C9orf40: variants seen among roughly 807,000 people sequenced by gnomAD.
C9orf40 encodes chromosome 9 open reading frame 40.
A neutral mutation model predicts 7.9 loss-of-function variants in C9orf40; 2 were observed. The ratio of observed to expected loss-of-function variants is 0.25; its 90% CI spans 0.10 to 0.80. C9orf40 has a LOEUF of 0.80. C9orf40 is among the 30% of genes least tolerant of loss of function. The pLI, the probability that C9orf40 is intolerant of heterozygous loss-of-function variation, is 0.68. For synonymous variants in C9orf40, 113 were observed against 117.6 expected (o/e 0.96, Z 0.25); for missense variants, 256 against 268.5 (o/e 0.95, Z 0.33).
rs990654038 is a variant in C9orf40 at position 74,947,814 on chromosome 9, C to G, written c.*234G>C. The G allele has an allele frequency of 1.2e-5, 4 of 330,594 alleles. No homozygotes were observed. The highest frequency in any genetic ancestry group is 4.8e-5 in the Admixed American group (1 of 21,038). The allele number at this position is 330,594 out of a possible 1,614,324, so 20.5% of individuals were successfully genotyped here. A position where few individuals can be genotyped will look rare whatever the true frequency, so the allele number is the denominator to read the frequency against. ...TAGAATTTAAACAAAACTTTTTGCT[C>G]TAAGAATGCATACATAAAATACTTC... On this transcript the variant is annotated 3_prime_UTR_variant, in exon 2 of 2. Transcript: ENST00000376854.
chr9:74,950,644 G>T (rs755557046), intron 1 of C9orf40, among the ~76,000 whole-genome samples: 7 of 150,360 alleles, frequency 4.7e-5, no homozygotes, highest in Non-Finnish European at 7.4e-5. Flanking sequence ...TTATTTTATT[G>T]GATTTTTCAC....
At position 74,952,756 on chromosome 9, in the gene C9orf40, G is replaced by C. The variant is rs965890530; in HGVS notation, c.-145C>G. 1.4e-5 allele frequency: 10 copies of C among 709,172 alleles called. No individual in the cohort carries two copies. The highest frequency in any genetic ancestry group is 2.2e-5 in the Non-Finnish European group (10 of 451,944). 43.9% of individuals were successfully genotyped at this position (709,172 alleles called of 1,614,324 possible). On this transcript the variant is annotated 5_prime_UTR_variant, in exon 1 of 2. Coordinates refer to ENST00000376854, the MANE Select transcript of C9orf40 (RefSeq NM_017998.3). This position sits in a 1 kb window ranked among gnomAD's most constrained non-coding sequence, Gnocchi z 5.4. ...GCGACAGGACGCTGGAGGGGGTAGG[G>C]CGGGGCAGCTCGCGCAGGGCCTAGG...
chr9:74,952,669 C>CG lies in C9orf40; in HGVS notation c.-59dup, dbSNP rs980948740. On this transcript the variant is annotated 5_prime_UTR_variant, in exon 1 of 2. Transcript: ENST00000376854. This position sits in a 1 kb window ranked among gnomAD's most constrained non-coding sequence, Gnocchi z 5.4. ...GCGGGAGACCGAGTGCCGATAGCTGCGGGGGGCGAAGAGCGAGGACTGAGC... is the reference window on the plus strand; with the variant it reads ...GCGGGAGACCGAGTGCCGATAGCTGCGGGGGGGCGAAGAGCGAGGACTGAGC... The CG allele has an allele frequency of 2.6e-5, 38 of 1,451,662 alleles. No homozygotes were observed. Among genetic ancestry groups the CG allele is most frequent in the African/African-American group, 2.6e-4 (18 of 69,330 alleles). The allele number at this position is 1,451,662 out of a possible 1,614,324, so 89.9% of individuals were successfully genotyped here.
At chr9:74,950,178 A>G (rs1832281509) in intron 1 of C9orf40, among the ~76,000 whole-genome samples, 3 of 152,232 alleles carry the variant, frequency 2.0e-5, no homozygotes, top group Admixed American at 2.0e-4. Flanking sequence ...CCCTGGAGCC[A>G]ACCTTTTTCC....
In C9orf40 at chr9:74,952,294, C is replaced by G. The variant is rs1279855307; in HGVS notation, c.318G>C (p.Pro106=). 2.2e-6 allele frequency: 3 copies of G among 1,342,320 alleles called. No individual in the cohort carries two copies. The highest frequency in any genetic ancestry group is 1.9e-6 in the Non-Finnish European group (2 of 1,050,266). The allele number at this position is 1,342,320 out of a possible 1,614,324, so 83.2% of individuals were successfully genotyped here. A position where few individuals can be genotyped will look rare whatever the true frequency, so the allele number is the denominator to read the frequency against. The change falls in exon 1 of 2, where the codon CCG becomes CCC. Residue 106 remains proline, a synonymous_variant. Transcript: ENST00000376854. The surrounding 1 kb of genome is among the most constrained non-coding windows in gnomAD (Gnocchi z 5.4). The part of the protein sequence containing the change: ...DPPLPPPPVL[P]GPGEELPGAR... ...CGCCCGGGAGCTCCTCCCCCGGCCC[C>G]GGCAGTACGGGCGGCGGCGGCAGCG...
chr9:74,952,601 C>A lies in C9orf40; in HGVS notation c.11G>T (p.Arg4Leu). Residue 4 changes from arginine (R) to leucine (L), a missense_variant, in exon 1 of 2, where the codon CGG (arginine) becomes CTG (leucine). Arg to Leu is a moderately radical substitution (Grantham distance 102, BLOSUM62 -2). Coordinates refer to ENST00000376854, the MANE Select transcript of C9orf40 (RefSeq NM_017998.3). This position sits in a 1 kb window ranked among gnomAD's most constrained non-coding sequence, Gnocchi z 5.4. ...GAACGTCACCGGCTCGGCCGCACGCCGCTTGGCCATGGGCCCAGAGGCTCG... is the reference window on the plus strand; with the variant it reads ...GAACGTCACCGGCTCGGCCGCACGCAGCTTGGCCATGGGCCCAGAGGCTCG... MAKRRAAEPVTFHV... is the reference protein window; with the variant it reads MAKLRAAEPVTFHV... 2 of 1,566,566 alleles carry A rather than the reference C, an allele frequency of 1.3e-6. No individual in the cohort carries two copies. The highest frequency in any genetic ancestry group is 4.7e-5 in the East Asian group (2 of 42,636).
chr9:74,952,629 C>A lies in C9orf40; in HGVS notation c.-18G>T, dbSNP rs781616198. On this transcript the variant is annotated 5_prime_UTR_variant, in exon 1 of 2. Coordinates refer to ENST00000376854, the MANE Select transcript of C9orf40 (RefSeq NM_017998.3). The surrounding 1 kb of genome is among the most constrained non-coding windows in gnomAD (Gnocchi z 5.4). ...TTGGCCATGGGCCCAGAGGCTCGGG[C>A]GGAGCCCGCCAGGCGCGGGAGACCG... is the stretch of plus-strand genomic sequence containing the variant. 5.2e-6 allele frequency: 8 copies of A among 1,529,942 alleles called. No individual in the cohort carries two copies. The South Asian group carries it at 9.6e-5, about 18-fold the overall frequency. 94.8% of individuals were successfully genotyped at this position (1,529,942 alleles called of 1,614,324 possible). A position where few individuals can be genotyped will look rare whatever the true frequency, so the allele number is the denominator to read the frequency against.
At chr9:74,948,670 A>G (rs1832267851) in intron 1 of C9orf40, among the ~76,000 whole-genome samples, 1 of 152,188 alleles carries the variant, frequency 6.6e-6, no homozygotes, top group Non-Finnish European at 1.5e-5. Context: ...AATCTTCCAA[A>G]AAGTATTAGG....
chr9:74,952,698 TGA>T lies in C9orf40; in HGVS notation c.-89_-88del. The T allele has an allele frequency of 1.6e-6, 2 of 1,281,920 alleles. No individual in the cohort carries two copies. Among genetic ancestry groups the T allele is most frequent in the South Asian group, 1.4e-5 (1 of 69,002 alleles). The allele number at this position is 1,281,920 out of a possible 1,614,324, so 79.4% of individuals were successfully genotyped here. On this transcript the variant is annotated 5_prime_UTR_variant, in exon 1 of 2. Transcript: ENST00000376854. The surrounding 1 kb of genome is among the most constrained non-coding windows in gnomAD (Gnocchi z 5.4). ...GGGCGAAGAGCGAGGACTGAGCGCGTGAGAGAGGGACAGGCCGAAGTCGGGCG... is the reference window on the plus strand; with the variant it reads ...GGGCGAAGAGCGAGGACTGAGCGCGTGAGAGGGACAGGCCGAAGTCGGGCG...
chr9:74,948,217 A>G lies in C9orf40; in HGVS notation c.427-11T>C. 6.3e-7 allele frequency: 1 copy of G among 1,593,042 alleles called. No individual in the cohort carries two copies. The highest frequency in any genetic ancestry group is 8.6e-7 in the Non-Finnish European group (1 of 1,169,116). ...AAATTCTTCATTGTGCTTTAGAGAA[A>G]AAAGAGAGATCAAAGAGCATCAATA... On this transcript the variant is annotated splice_polypyrimidine_tract_variant and intron_variant, in intron 1 of 1. Transcript: ENST00000376854.
At position 74,952,171 on chromosome 9, in the gene C9orf40, GC is replaced by G. The variant is rs766054967; in HGVS notation, c.426+14del. 18 of 164,578 alleles carry G rather than the reference GC, an allele frequency of 1.1e-4. No individual in the cohort carries two copies. The East Asian group carries it at 1.2e-3, about 11-fold the overall frequency. The allele number at this position is 164,578 out of a possible 1,614,324, so 10.2% of individuals were successfully genotyped here. A position where few individuals can be genotyped will look rare whatever the true frequency, so the allele number is the denominator to read the frequency against. On this transcript the variant is annotated intron_variant, in intron 1 of 1. Transcript: ENST00000376854. This position sits in a 1 kb window ranked among gnomAD's most constrained non-coding sequence, Gnocchi z 5.4. ...AGCCCCTTCGCCCCTCAGCCCACCC[GC>G]CCCCAGCCCCTACCTGGCGCGATGC...
At chr9:74,951,429 T>A (rs2118680444) in intron 1 of C9orf40, among the ~76,000 whole-genome samples, 1 of 152,238 alleles carries the variant, frequency 6.6e-6, no homozygotes. Flanking sequence ...GTAGCTGTGA[T>A]TACGGGCATA....
chr9:74,952,187 T>C lies in C9orf40; in HGVS notation c.425A>G (p.Gln142Arg), dbSNP rs1406105861. ...AGCCCACCCGCCCCCAGCCCCTACC[T>C]GGCGCGATGCGACCCCCCAGTCTCC... ...PRGDWGVASR[Q>R]HNEEFWQYNT... Residue 142 changes from glutamine to arginine, a missense_variant and splice_region_variant, in exon 1 of 2, where the codon CAG becomes CGG. By Grantham distance (43) the Gln-to-Arg change is conservative. Transcript: ENST00000376854. The surrounding 1 kb of genome is among the most constrained non-coding windows in gnomAD (Gnocchi z 5.4). 11 of 123,604 alleles carry C rather than the reference T, an allele frequency of 8.9e-5. No homozygotes were observed. Among genetic ancestry groups the C allele is most frequent in the Admixed American group, 1.8e-4 (1 of 5,706 alleles). 7.7% of individuals were successfully genotyped at this position (123,604 alleles called of 1,614,324 possible). A position where few individuals can be genotyped will look rare whatever the true frequency, so the allele number is the denominator to read the frequency against.
At position 74,952,871 on chromosome 9, in the gene C9orf40, G is replaced by C. The variant is rs1020072276; in HGVS notation, c.-260C>G. The stretch of plus-strand genomic sequence containing the variant: ...GACGTTGAGAAGCAACCGCGAAGCG[G>C]CGGAGATTCGAACCTGCGCACAACG... On this transcript the variant is annotated 5_prime_UTR_variant, in exon 1 of 2. Coordinates refer to ENST00000376854, the MANE Select transcript of C9orf40 (RefSeq NM_017998.3). The surrounding 1 kb of genome is among the most constrained non-coding windows in gnomAD (Gnocchi z 5.4). 6.5e-6 allele frequency: 3 copies of C among 461,822 alleles called. No individual in the cohort carries two copies. Among genetic ancestry groups the C allele is most frequent in the Admixed American group, 8.8e-5 (2 of 22,734 alleles). 28.6% of individuals were successfully genotyped at this position (461,822 alleles called of 1,614,324 possible). A position where few individuals can be genotyped will look rare whatever the true frequency, so the allele number is the denominator to read the frequency against.
rs1384399941 is a variant in C9orf40 at position 74,947,201 on chromosome 9, C to T, written c.*847G>A. On this transcript the variant is annotated 3_prime_UTR_variant, in exon 2 of 2. Transcript: ENST00000376854. ...AGGTGTTTAAAAAAATAGTTATATCCAAGACCCACCTCAGAACTATTAAAT... is the reference window on the plus strand; with the variant it reads ...AGGTGTTTAAAAAAATAGTTATATCTAAGACCCACCTCAGAACTATTAAAT... The T allele has an allele frequency of 6.6e-6, 1 of 152,506 alleles. No individual in the cohort carries two copies. The highest frequency in any genetic ancestry group is 1.5e-5 in the Non-Finnish European group (1 of 68,024). The allele number at this position is 152,506 out of a possible 1,614,324, so 9.4% of individuals were successfully genotyped here. A position where few individuals can be genotyped will look rare whatever the true frequency, so the allele number is the denominator to read the frequency against.
At chr9:74,948,277 AT>A (rs2118674576) in intron 1 of C9orf40, 71 bp from the exon 2 acceptor site, 1 of 1,141,706 alleles carries the variant, frequency 8.8e-7, no homozygotes, top group Middle Eastern at 2.5e-4. Context: ...CAGAAAACAA[AT>A]TTGTTTTAAA....
In C9orf40 at chr9:74,952,218, G is replaced by A; in HGVS notation, c.394C>T (p.Pro132Ser). The part of the protein sequence containing the change: ...GDDGAGRAGP[P>S]RGDWGVASRQ... Reference sequence around the variant, plus strand: ...GATGCGACCCCCCAGTCTCCCCGCGGGGGTCCTGCGCGCCCCGCCCCGTCG... The same window carrying A: ...GATGCGACCCCCCAGTCTCCCCGCGAGGGTCCTGCGCGCCCCGCCCCGTCG... The change falls in exon 1 of 2, where the codon CCG becomes TCG. Residue 132 changes from proline to serine, a missense_variant. Physicochemically the swap from Pro to Ser is moderately conservative, Grantham distance 74 (BLOSUM62 -1). Transcript: ENST00000376854. The surrounding 1 kb of genome is among the most constrained non-coding windows in gnomAD (Gnocchi z 5.4). The A allele has an allele frequency of 5.2e-6, 6 of 1,164,930 alleles. No individual in the cohort carries two copies. Among genetic ancestry groups the A allele is most frequent in the Non-Finnish European group, 5.3e-6 (5 of 935,794 alleles). The allele number at this position is 1,164,930 out of a possible 1,614,324, so 72.2% of individuals were successfully genotyped here.
Position 74,952,273 on chromosome 9 carries a change from C to T in C9orf40, c.339G>A (p.Pro113=), listed in dbSNP as rs772613543. ...CACCGCCCCCCGGGAGCCGGGCGCCCGGGAGCTCCTCCCCCGGCCCCGGCA... is the reference window on the plus strand; with the variant it reads ...CACCGCCCCCCGGGAGCCGGGCGCCTGGGAGCTCCTCCCCCGGCCCCGGCA... ...PVLPGPGEEL[P]GARLPGGGGD... Residue 113 remains proline, a synonymous_variant, in exon 1 of 2, where the codon CCG becomes CCA. Coordinates refer to ENST00000376854, the MANE Select transcript of C9orf40 (RefSeq NM_017998.3). The surrounding 1 kb of genome is among the most constrained non-coding windows in gnomAD (Gnocchi z 5.4). 5.3e-5 allele frequency: 68 copies of T among 1,280,024 alleles called. 1 individual carries two copies. In the South Asian group the frequency reaches 1.9e-3, roughly 36 times the overall value. 79.3% of individuals were successfully genotyped at this position (1,280,024 alleles called of 1,614,324 possible).
rs780545722 is a variant in C9orf40 at position 74,952,476 on chromosome 9, G to T, written c.136C>A (p.Leu46Ile). ...CGGTGCTGCTCTGGGACGCCGAGGA[G>T]CTGCCCAGCATGCGCGACCCCGGGC... Reference protein sequence around the residue: ...RPPGVAHAGQLLGVPEQHRKR... With the variant: ...RPPGVAHAGQILGVPEQHRKR... Residue 46 changes from leucine (L) to isoleucine (I), a missense_variant, in exon 1 of 2, where the codon CTC becomes ATC. Transcript: ENST00000376854. The surrounding 1 kb of genome is among the most constrained non-coding windows in gnomAD (Gnocchi z 5.4). 6.3e-6 allele frequency: 10 copies of T among 1,598,638 alleles called. No individual in the cohort carries two copies. The South Asian group carries it at 1.1e-4, about 18-fold the overall frequency.
Sources: gnomAD v4.1 joint callset for allele counts (sites outside exome capture counted in the v4.1 genomes callset) on GRCh38, gnomAD v4.1.1 for gene constraint, Gnocchi (gnomAD v3.1) non-coding constraint, MANE v1.5 for transcripts, NCBI Gene and HGNC (gene_info 2026-07-23, HGNC 2026-07-21) for gene names.